The following DLGAP2 variants were observed in gnomAD, a reference collection of about 807,000 sequenced individuals.
DLGAP2 encodes disks large-associated protein 2.
DLGAP2 carries 26 observed loss-of-function variants against 100.3 expected under a neutral mutation model. The ratio of observed to expected loss-of-function variants is 0.26; its 90% CI spans 0.19 to 0.36. The LOEUF is 0.36. DLGAP2 is among the 10% of genes least tolerant of loss of function. The pLI, the probability that DLGAP2 is intolerant of heterozygous loss-of-function variation, is 1.00. For missense variants in DLGAP2, 1,858 were observed against 1,453.2 expected, an observed-to-expected ratio of 1.28 and a Z score of -4.53; for synonymous variants, 886 against 630.1, an observed-to-expected ratio of 1.41 and a Z score of -6.08.
intron 1 of DLGAP2, among the ~76,000 whole-genome samples, chr8:847,629 C>G (rs893116655): frequency 1.2e-4 from 19 of 152,106 alleles, no homozygotes; most frequent in Admixed American, 4.6e-4. Context: ...ACCTCAGCCT[C>G]CAGAGTAGCT....
In DLGAP2 at chr8:776,286, C is replaced by T. The variant is rs1285340127; in HGVS notation, c.18+38461C>T. Among the ~76,000 whole-genome samples the T allele has an allele frequency of 3.9e-5, 6 of 152,078 alleles. No homozygotes were observed. In the East Asian group the frequency reaches 1.2e-3, roughly 29 times the overall value. On this transcript the variant is annotated intron_variant, in intron 1 of 14. Transcript: ENST00000637795. ...CTAGCGGTCTATCAATTTTGTTGATCCTTTCAAGAAACCAGCTCCTGGATT... is the reference window on the plus strand; with the variant it reads ...CTAGCGGTCTATCAATTTTGTTGATTCTTTCAAGAAACCAGCTCCTGGATT...
chr8:1,294,992 A>G (rs571776436), intron 3 of DLGAP2, among the ~76,000 whole-genome samples: 4 of 152,220 alleles, frequency 2.6e-5, no homozygotes, highest in Non-Finnish European at 5.9e-5. Context: ...TCACTTGAGG[A>G]AAAAAGGAGC....
chr8:1,546,950 C>T (rs764995407), intron 4 of DLGAP2, among the ~76,000 whole-genome samples: 4 of 152,130 alleles, frequency 2.6e-5, no homozygotes, highest in Non-Finnish European at 5.9e-5. Context: ...CGGCCACGCT[C>T]AGCCGTCGAG....
In DLGAP2 at chr8:1,026,494, A is replaced by G. The variant is rs1191798144; in HGVS notation, c.73+118528A>G. On this transcript the variant is annotated intron_variant, in intron 2 of 14. Coordinates refer to ENST00000637795, the MANE Select transcript of DLGAP2 (RefSeq NM_001346810.2). ...CTCCGACCTGCTCCTGCTGTGATCTAAACTGCTGGCTGGGCTGCCAGTTTT... is the reference window on the plus strand; with the variant it reads ...CTCCGACCTGCTCCTGCTGTGATCTGAACTGCTGGCTGGGCTGCCAGTTTT... 2.6e-5 allele frequency among the ~76,000 whole-genome samples: 4 copies of G among 152,226 alleles called. No homozygotes were observed. In the South Asian group the frequency reaches 6.2e-4, roughly 24 times the overall value.
At chr8:1,388,988 C>T (rs1408957476) in intron 3 of DLGAP2, among the ~76,000 whole-genome samples, 1 of 135,714 alleles carries the variant, frequency 7.4e-6, no homozygotes, top group Non-Finnish European at 1.6e-5. Flanking sequence ...GGCGCTGGTT[C>T]AGGTGTCAGG....
intron 3 of DLGAP2, among the ~76,000 whole-genome samples, chr8:1,333,496 C>A (rs1383496096): frequency 6.6e-6 from 1 of 152,128 alleles, no homozygotes; most frequent in African/African-American, 2.4e-5. Flanking sequence ...GTGAGCTCTT[C>A]CACAGACAGG....
intron 3 of DLGAP2, among the ~76,000 whole-genome samples, chr8:1,423,901 T>C (rs953211729): frequency 6.6e-6 from 1 of 152,170 alleles, no homozygotes; most frequent in African/African-American, 2.4e-5. Flanking sequence ...AAAGCAAAAA[T>C]ATCCCACGTT....
chr8:1,668,015 C>T (rs1055511315), intron 8 of DLGAP2, among the ~76,000 whole-genome samples: 2 of 152,004 alleles, frequency 1.3e-5, no homozygotes, highest in Non-Finnish European at 2.9e-5. Flanking sequence ...CGCACGTTGC[C>T]TAGCTGTGTC....
chr8:1,512,346 T>G (rs990513084), intron 4 of DLGAP2, among the ~76,000 whole-genome samples: 1 of 152,164 alleles, frequency 6.6e-6, no homozygotes, highest in Non-Finnish European at 1.5e-5. Flanking sequence ...TTCACACGGT[T>G]TCATAAGCAG....
chr8:975,209 G>T (rs756172614), intron 2 of DLGAP2, among the ~76,000 whole-genome samples: 8 of 152,110 alleles, frequency 5.3e-5, no homozygotes, highest in East Asian at 3.8e-4. Flanking sequence ...TAGACAATCT[G>T]AACAGGCCTA....
chr8:1,518,563 A>G (rs1800473929), intron 4 of DLGAP2, among the ~76,000 whole-genome samples: 1 of 152,188 alleles, frequency 6.6e-6, no homozygotes, highest in South Asian at 2.1e-4. Flanking sequence ...AGTCTCATCC[A>G]ACCTTGATCA....
chr8:1,686,171 A>T (rs1018515391), intron 12 of DLGAP2, among the ~76,000 whole-genome samples: 1 of 152,238 alleles, frequency 6.6e-6, no homozygotes, highest in African/African-American at 2.4e-5. Flanking sequence ...GAAGAGACCT[A>T]GGTTCCCATC....
At chr8:841,405 T>C (rs1796981845) in intron 1 of DLGAP2, among the ~76,000 whole-genome samples, 1 of 152,190 alleles carries the variant, frequency 6.6e-6, no homozygotes, top group Non-Finnish European at 1.5e-5. Context: ...CTTTCGTAGA[T>C]GTTCATGTTG....
intron 2 of DLGAP2, among the ~76,000 whole-genome samples, chr8:1,205,346 A>G (rs2167507): frequency 0.57 from 86,003 of 151,938 alleles, 26,705 homozygotes; most frequent in African/African-American, 0.83. Flanking sequence ...GGTCTTGGCT[A>G]TTTGAGAAAA....
chr8:1,338,231 C>G (rs534118724), intron 3 of DLGAP2, among the ~76,000 whole-genome samples: 38 of 152,352 alleles, frequency 2.5e-4, no homozygotes, highest in African/African-American at 8.2e-4. Context: ...AACTCACACA[C>G]AAGTGTCCAC....
chr8:840,761 G>T (rs1441553082), intron 1 of DLGAP2, among the ~76,000 whole-genome samples: 3 of 151,832 alleles, frequency 2.0e-5, no homozygotes, highest in African/African-American at 7.3e-5. Flanking sequence ...CCACACTCTG[G>T]ATTCTGCGAG....
At chr8:1,590,399 A>G (rs1464595275) in intron 6 of DLGAP2, among the ~76,000 whole-genome samples, 1 of 152,178 alleles carries the variant, frequency 6.6e-6, no homozygotes, top group Non-Finnish European at 1.5e-5. Flanking sequence ...ACTTATTTCC[A>G]TCTCCGTGTT....
intron 5 of DLGAP2, among the ~76,000 whole-genome samples, chr8:1,552,889 C>T (rs975290553): frequency 1.3e-5 from 2 of 152,172 alleles, no homozygotes; most frequent in Non-Finnish European, 2.9e-5. Flanking sequence ...CAATTCAGGC[C>T]TCACGTTATT....
At chr8:811,855 G>C (rs1796376247) in intron 1 of DLGAP2, among the ~76,000 whole-genome samples, 1 of 152,262 alleles carries the variant, frequency 6.6e-6, no homozygotes, top group African/African-American at 2.4e-5. Flanking sequence ...TGAGCCATGG[G>C]ACCAAACTGA....
Sources: gnomAD v4.1 joint callset for allele counts (sites outside exome capture counted in the v4.1 genomes callset) on GRCh38, gnomAD v4.1.1 for gene constraint, MANE v1.5 for transcripts, NCBI Gene and HGNC (gene_info 2026-07-23, HGNC 2026-07-21) for gene names.